The following CNNM2 variants were observed in gnomAD, a reference collection of about 807,000 sequenced individuals.
The protein encoded by CNNM2 is cyclin and CBS domain divalent metal cation transport mediator 2.
In CNNM2, 12 loss-of-function variants were observed where a neutral mutation model predicts 66.9. That is an observed-to-expected ratio of 0.18 (90% CI 0.11 to 0.29). The LOEUF (loss-of-function observed/expected upper bound fraction) is 0.29, where lower values mean the gene tolerates loss of function less well. Among genes scored for constraint, CNNM2 ranks in the 10% least tolerant of loss-of-function variants. CNNM2 has a pLI of 1.00. For synonymous variants in CNNM2, 557 were observed against 501.8 expected (o/e 1.11, Z -1.47); for missense variants, 705 against 1,167.7 (o/e 0.60, Z 5.77).
rs1018948530 is a variant in CNNM2, at chr10:103,089,454, A to T, written c.*12274A>T. On this transcript the variant is annotated 3_prime_UTR_variant, in exon 8 of 8. Coordinates refer to ENST00000369878, the MANE Select transcript of CNNM2 (RefSeq NM_017649.5). ...CTGATTTTACCCTTATTTTCTTCTA[A>T]TACAGACTCCATTACAATTTTGGAC... is the stretch of plus-strand genomic sequence containing the variant. 1 of 686,762 alleles carries T rather than the reference A, an allele frequency of 1.5e-6. No homozygotes were observed. The highest frequency in any genetic ancestry group is 1.8e-5 in the African/African-American group (1 of 55,062). The allele number at this position is 686,762 out of a possible 1,614,324, so 42.5% of individuals were successfully genotyped here. A position where few individuals can be genotyped will look rare whatever the true frequency, so the allele number is the denominator to read the frequency against.
chr10:103,063,246 C>T (rs1258302973), intron 4 of CNNM2, among the ~76,000 whole-genome samples: 2 of 152,172 alleles, frequency 1.3e-5, no homozygotes, highest in African/African-American at 4.8e-5. Context: ...TGTCGGGGCA[C>T]CAGGTCTCCC....
At chr10:102,939,696 C>T (rs763550485) in intron 1 of CNNM2, among the ~76,000 whole-genome samples, 1 of 152,034 alleles carries the variant, frequency 6.6e-6, no homozygotes, top group Non-Finnish European at 1.5e-5. Context: ...AAAGAACTGG[C>T]GGCCAGGCGC....
intron 1 of CNNM2, among the ~76,000 whole-genome samples, chr10:102,996,373 A>G (rs1213512335): frequency 2.0e-5 from 3 of 151,670 alleles, no homozygotes; most frequent in Admixed American, 1.3e-4. Context: ...TTTCTTCATC[A>G]AGGCTGATGA....
At chr10:103,068,252 CCTTTGGGAGCA>C (rs1197488818) in intron 4 of CNNM2, among the ~76,000 whole-genome samples, 3 of 152,164 alleles carry the variant, frequency 2.0e-5, no homozygotes, top group Non-Finnish European at 4.4e-5. Flanking sequence ...GCCTGTAATC[CCTTTGGGAGCA>C]CTTTGGGAGG....
At chr10:102,999,169 C>G (rs909417474) in intron 1 of CNNM2, among the ~76,000 whole-genome samples, 2 of 151,212 alleles carry the variant, frequency 1.3e-5, no homozygotes, top group African/African-American at 4.9e-5. Context: ...CTCCTGGGTT[C>G]ACGCCATTCT....
intron 1 of CNNM2, among the ~76,000 whole-genome samples, chr10:102,941,934 A>T (rs979782707): frequency 9.2e-5 from 14 of 152,168 alleles, no homozygotes; most frequent in African/African-American, 3.4e-4. Flanking sequence ...ATTGAACTGA[A>T]TATTGTTGAG....
intron 1 of CNNM2, among the ~76,000 whole-genome samples, chr10:103,006,702 C>T (rs1182161444): frequency 2.0e-5 from 3 of 152,174 alleles, no homozygotes; most frequent in Admixed American, 1.3e-4. Context: ...TCTCAGCTTA[C>T]CGCAGCCTTG....
intron 1 of CNNM2, among the ~76,000 whole-genome samples, chr10:103,042,185 C>G (rs1005734420): frequency 6.6e-6 from 1 of 152,208 alleles, no homozygotes; most frequent in Non-Finnish European, 1.5e-5. Context: ...CACCCGCTAT[C>G]CAGTCCATCA....
intron 1 of CNNM2, among the ~76,000 whole-genome samples, chr10:103,012,234 A>G (rs2134273198): frequency 6.6e-6 from 1 of 152,314 alleles, no homozygotes; most frequent in Admixed American, 6.5e-5. Context: ...TGCATTTGCA[A>G]TTTTTGTAGA....
At chr10:102,958,956 C>A (rs982410863) in intron 1 of CNNM2, among the ~76,000 whole-genome samples, 11 of 151,602 alleles carry the variant, frequency 7.3e-5, no homozygotes, top group Non-Finnish European at 1.0e-4. Context: ...ATTTATTATT[C>A]TTATTTTTTG....
At chr10:102,952,890 G>A (rs1184801415) in intron 1 of CNNM2, among the ~76,000 whole-genome samples, 1 of 152,208 alleles carries the variant, frequency 6.6e-6, no homozygotes, top group Non-Finnish European at 1.5e-5. Flanking sequence ...AACATATAGG[G>A]TGTGCTAATA....
intron 1 of CNNM2, among the ~76,000 whole-genome samples, chr10:102,991,573 C>G (rs1266355844): frequency 1.3e-5 from 2 of 152,072 alleles, no homozygotes; most frequent in Admixed American, 6.6e-5. Context: ...TTGATTCTTT[C>G]ATTTCTTAAA....
At chr10:103,031,433 A>G (rs2064816665) in intron 1 of CNNM2, among the ~76,000 whole-genome samples, 1 of 152,128 alleles carries the variant, frequency 6.6e-6, no homozygotes, top group Non-Finnish European at 1.5e-5. Flanking sequence ...ATTGGTGGCC[A>G]TCTCACTGCA....
chr10:102,943,571 T>C (rs918245221), intron 1 of CNNM2, among the ~76,000 whole-genome samples: 4 of 152,224 alleles, frequency 2.6e-5, no homozygotes, highest in African/African-American at 9.6e-5. Flanking sequence ...GGCATTACTT[T>C]TATTATTTAG....
intron 4 of CNNM2, among the ~76,000 whole-genome samples, chr10:103,065,236 C>CA (rs2065456799): frequency 6.6e-6 from 1 of 152,206 alleles, no homozygotes; most frequent in African/African-American, 2.4e-5. Context: ...TGTTCACAGA[C>CA]AGAGCCTTAA....
At position 103,089,782 on chromosome 10, in the gene CNNM2, G is replaced by A. The variant is rs745326714; in HGVS notation, c.*12602G>A. 3.7e-6 allele frequency: 6 copies of A among 1,614,048 alleles called. No individual in the cohort carries two copies. Among genetic ancestry groups the A allele is most frequent in the South Asian group, 2.2e-5 (2 of 91,062 alleles). ...GGAGGTTTAATCTCACTAATTGACC[G>A]TGTCAGCTGGTGCCGCTTGTAGTCA... On this transcript the variant is annotated 3_prime_UTR_variant, in exon 8 of 8. Transcript: ENST00000369878.
At chr10:102,949,226 A>G (rs1359211629) in intron 1 of CNNM2, among the ~76,000 whole-genome samples, 1 of 152,092 alleles carries the variant, frequency 6.6e-6, no homozygotes, top group Admixed American at 6.6e-5. Flanking sequence ...CCCAGGCTGG[A>G]GTGCAGTGGT....
intron 1 of CNNM2, among the ~76,000 whole-genome samples, chr10:102,980,596 T>TA (rs1364869374): frequency 6.6e-6 from 1 of 152,160 alleles, no homozygotes; most frequent in Non-Finnish European, 1.5e-5. Flanking sequence ...TGTTGGCTCT[T>TA]ACGCTGAAAG....
intron 1 of CNNM2, among the ~76,000 whole-genome samples, chr10:103,025,199 C>G (rs1214629673): frequency 6.6e-6 from 1 of 152,174 alleles, no homozygotes; most frequent in Non-Finnish European, 1.5e-5. Flanking sequence ...TCAAGCGATT[C>G]TCCTGCCTCA....
Sources: allele counts gnomAD v4.1 joint callset (sites outside exome capture counted in the v4.1 genomes callset), GRCh38; gene constraint gnomAD v4.1.1; transcripts MANE v1.5; gene names NCBI Gene and HGNC (gene_info 2026-07-23, HGNC 2026-07-21).